Variants in CNGB1 observed in about 807,000 individuals in gnomAD.
CNGB1 encodes cyclic nucleotide gated channel subunit beta 1, also known as cyclic nucleotide-gated channel beta-1.
In CNGB1, 126 loss-of-function variants were observed where a neutral mutation model predicts 151.7. The ratio of observed to expected loss-of-function variants is 0.83; its 90% confidence interval spans 0.72 to 0.96. The LOEUF (loss-of-function observed/expected upper bound fraction) is 0.96, where lower values mean the gene tolerates loss of function less well. CNGB1 is among the 40% of genes least tolerant of loss of function. The probability of loss-of-function intolerance (pLI) is 0.00; values close to 1 mark genes in which losing one functional copy is unlikely to be tolerated. For missense variants in CNGB1, 1,698 were observed against 1,627.0 expected (o/e 1.04, Z -0.75); for synonymous variants, 623 against 635.1 (o/e 0.98, Z 0.29).
intron 23 of CNGB1, 76 bp from the exon 24 acceptor site, chr16:57,913,070 G>T: frequency 7.4e-7 from 1 of 1,351,474 alleles, no homozygotes; most frequent in Admixed American, 1.7e-5. Flanking sequence ...CGGGCGCCGA[G>T]ACTCAGGGCT....
chr16:57,958,281 G>A, intron 11 of CNGB1, 129 bp downstream of exon 11: 1 of 506,436 alleles, frequency 2.0e-6, no homozygotes, highest in Non-Finnish European at 3.3e-6. Flanking sequence ...AATGAACGTG[G>A]GCCATGCAGA....
intron 14 of CNGB1, among the ~76,000 whole-genome samples, chr16:57,947,488 A>G (rs565356098): frequency 6.6e-6 from 1 of 152,344 alleles, no homozygotes; most frequent in East Asian, 1.9e-4. Context: ...AATTAGGACA[A>G]GTCAGGAAGG....
rs1962422577 is a variant in CNGB1, at chr16:57,967,226, TC to T, written c.60del (p.Met21CysfsTer75). ...PQPPGTPRKT[K>X]MQEEEEVEPE... ...GGTTCCACTTCCTCTTCCTCCTGCA[TC>T]TTGGTCTTCCGAGGGGTCCCTGGGG... On this transcript the variant is annotated frameshift_variant, in exon 2 of 33. Coordinates refer to ENST00000251102, the MANE Select transcript of CNGB1 (RefSeq NM_001297.5). LOFTEE classifies it high-confidence loss of function. The T allele has an allele frequency of 6.2e-7, 1 of 1,614,182 alleles. No individual in the cohort carries two copies. The highest frequency in any genetic ancestry group is 8.5e-7 in the Non-Finnish European group (1 of 1,180,028).
intron 17 of CNGB1, among the ~76,000 whole-genome samples, chr16:57,924,057 A>T (rs991776389): frequency 6.6e-6 from 1 of 152,130 alleles, no homozygotes; most frequent in African/African-American, 2.4e-5. Flanking sequence ...CTAGATCTGA[A>T]ATCCACCTGA....
chr16:57,901,720 A>T (rs1374942820), intron 27 of CNGB1, 95 bp from the exon 28 acceptor site: 3 of 966,850 alleles, frequency 3.1e-6, no homozygotes, highest in Non-Finnish European at 4.9e-6. Flanking sequence ...TCACCAGGGC[A>T]CACCATTGCC....
intron 17 of CNGB1, among the ~76,000 whole-genome samples, chr16:57,927,335 G>T (rs1349186031): frequency 6.6e-6 from 1 of 152,206 alleles, no homozygotes; most frequent in Non-Finnish European, 1.5e-5. Context: ...GGCTCCCAAT[G>T]TTCATTCTGT....
chr16:57,944,554 A>G (rs1183603289), intron 14 of CNGB1, among the ~76,000 whole-genome samples: 1 of 152,244 alleles, frequency 6.6e-6, no homozygotes, highest in Admixed American at 6.5e-5. Flanking sequence ...AATGATGAAC[A>G]TATGAGGAAA....
intron 1 of CNGB1, among the ~76,000 whole-genome samples, chr16:57,969,812 G>A (rs1257151227): frequency 3.9e-5 from 6 of 152,302 alleles, no homozygotes; most frequent in East Asian, 3.9e-4. Context: ...TGGCCAGTGC[G>A]CAGCGTGCAG....
At chr16:57,913,828 G>A (rs185955185) in intron 23 of CNGB1, among the ~76,000 whole-genome samples, 97 of 152,260 alleles carry the variant, frequency 6.4e-4, no homozygotes, top group Admixed American at 1.2e-3. Context: ...TACATATGAA[G>A]TATGTATTAT....
intron 29 of CNGB1, 102 bp downstream of exon 29, chr16:57,901,250 C>G (rs1487967933): frequency 8.8e-7 from 1 of 1,139,272 alleles, no homozygotes; most frequent in Non-Finnish European, 1.3e-6. Context: ...CCCCAACAAT[C>G]TCGCTCTGCC....
rs77905655 is a variant in CNGB1 at position 57,943,854 on chromosome 16, G to A, written c.1122-3533C>T. On this transcript the variant is annotated intron_variant, in intron 14 of 32. Coordinates refer to ENST00000251102, the MANE Select transcript of CNGB1 (RefSeq NM_001297.5). ...GATCCAAGGGAAATGAAAACAGTACGTTGAAGAGGTGTCTGCACTCCCATC... is the reference window on the plus strand; with the variant it reads ...GATCCAAGGGAAATGAAAACAGTACATTGAAGAGGTGTCTGCACTCCCATC... Among the ~76,000 whole-genome samples the A allele has an allele frequency of 1.4e-3, 214 of 152,098 alleles. 1 individual carries two copies. In the East Asian group the frequency reaches 0.019, roughly 13 times the overall value.
At chr16:57,957,137 C>G (rs1315374226) in intron 12 of CNGB1, among the ~76,000 whole-genome samples, 1 of 152,204 alleles carries the variant, frequency 6.6e-6, no homozygotes, top group Non-Finnish European at 1.5e-5. Flanking sequence ...CTGGGCCAGG[C>G]TCTGGCTACC....
Position 57,913,028 on chromosome 16 carries a change from C to T in CNGB1, c.2305-34G>A, listed in dbSNP as rs370223084. On this transcript the variant is annotated intron_variant, in intron 23 of 32. Coordinates refer to ENST00000251102, the MANE Select transcript of CNGB1 (RefSeq NM_001297.5). ...AGAGGAGGGCGTGAGAGCAGCCCAC[C>T]GGCCATAGGTAGCATGCTGCTCCCA... 113 of 1,608,488 alleles carry T rather than the reference C, an allele frequency of 7.0e-5. No individual in the cohort carries two copies. In the African/African-American group the frequency reaches 9.9e-4, roughly 14 times the overall value.
rs977698464 is a variant in CNGB1, at chr16:57,923,078, C to A, written c.1643+195G>T. 64 of 477,430 alleles carry A rather than the reference C, an allele frequency of 1.3e-4. 1 individual carries two copies. In the Admixed American group the frequency reaches 1.5e-3, roughly 11 times the overall value. The allele number at this position is 477,430 out of a possible 1,614,324, so 29.6% of individuals were successfully genotyped here. On this transcript the variant is annotated intron_variant, in intron 18 of 32. Coordinates refer to ENST00000251102, the MANE Select transcript of CNGB1 (RefSeq NM_001297.5). ...GACACAGCTGGGCCCAGAGGTTGAG[C>A]CCACTGGATTTAACAGGACTCCTGG...
At chr16:57,951,950 G>A (rs537962270) in intron 12 of CNGB1, among the ~76,000 whole-genome samples, 14 of 152,270 alleles carry the variant, frequency 9.2e-5, no homozygotes, top group East Asian at 3.9e-4. Context: ...GGTTGCTCCC[G>A]GCTCCTCTGG....
chr16:57,954,656 A>T, intron 12 of CNGB1: 1 of 977,658 alleles, frequency 1.0e-6, no homozygotes, highest in Non-Finnish European at 1.2e-6. Flanking sequence ...CTAAGCAATA[A>T]TATCAATGCA....
chr16:57,914,375 G>A (rs1265354872), intron 23 of CNGB1, among the ~76,000 whole-genome samples: 1 of 152,200 alleles, frequency 6.6e-6, no homozygotes, highest in Non-Finnish European at 1.5e-5. Context: ...CAGCCAGGAA[G>A]CTCAGAGGCA....
At chr16:57,894,727 G>A (rs1419482979) in intron 31 of CNGB1, among the ~76,000 whole-genome samples, 9 of 152,224 alleles carry the variant, frequency 5.9e-5, no homozygotes, top group African/African-American at 1.9e-4. Context: ...GGGCAATGGG[G>A]ACAGGGAGAG....
At position 57,957,391 on chromosome 16, in the gene CNGB1, GA is replaced by G; in HGVS notation, c.838-15del. On this transcript the variant is annotated splice_polypyrimidine_tract_variant and intron_variant, in intron 11 of 32. Transcript: ENST00000251102. ...GGAGTCAGGCTCCTGCATGGAGAGA[GA>G]AAAAAGGGAAAATCCTGCCACGGCC... The G allele has an allele frequency of 6.2e-7, 1 of 1,613,270 alleles. No homozygotes were observed. The highest frequency in any genetic ancestry group is 8.5e-7 in the Non-Finnish European group (1 of 1,179,232).
Sources: allele counts gnomAD v4.1 joint callset (sites outside exome capture counted in the v4.1 genomes callset), GRCh38; gene constraint gnomAD v4.1.1; transcripts MANE v1.5; gene names NCBI Gene and HGNC (gene_info 2026-07-23, HGNC 2026-07-21).